Variants in SKIC3 observed in about 807,000 individuals in gnomAD.
SKIC3 encodes SKI3 subunit of superkiller complex, also known as superkiller complex protein 3.
chr5:95,483,807 C>A, the SKIC3 span, among the ~76,000 whole-genome samples: 1 of 152,086 alleles, frequency 6.6e-6, no homozygotes, highest in Non-Finnish European at 1.5e-5. Context: ...CAAGGTAATA[C>A]ACATTTATTC....
chr5:95,522,294 A>G, the SKIC3 span: 3 of 1,613,562 alleles, frequency 1.9e-6, no homozygotes, highest in Non-Finnish European at 2.5e-6. Flanking sequence ...TCTGCTCTTA[A>G]TGCTGCCTGT....
the SKIC3 span, chr5:95,513,422 G>T: frequency 2.4e-6 from 2 of 817,038 alleles, no homozygotes; most frequent in Non-Finnish European, 4.1e-6. Context: ...GTCCAGGCTG[G>T]CCTCAAGCAA....
the SKIC3 span, chr5:95,525,337 T>C: frequency 1.3e-6 from 2 of 1,500,446 alleles, no homozygotes; most frequent in Non-Finnish European, 1.9e-6. Context: ...CATTTTGAAT[T>C]TTTCAGAAAT....
At chr5:95,488,281 A>G in the SKIC3 span, among the ~76,000 whole-genome samples, 1 of 152,232 alleles carries the variant, frequency 6.6e-6, no homozygotes. Context: ...ATAGATGAAA[A>G]TATCCCAATT....
the SKIC3 span, among the ~76,000 whole-genome samples, chr5:95,527,178 A>G: frequency 6.6e-6 from 1 of 152,216 alleles, no homozygotes; most frequent in African/African-American, 2.4e-5. Flanking sequence ...GCTTTCTAGC[A>G]TGACAAGGTG....
At chr5:95,471,216 T>C in the SKIC3 span, among the ~76,000 whole-genome samples, 1 of 152,194 alleles carries the variant, frequency 6.6e-6, no homozygotes, top group African/African-American at 2.4e-5. Context: ...ATACAATTAT[T>C]CTTAACATCT....
chr5:95,482,960 A>G, the SKIC3 span, among the ~76,000 whole-genome samples: 1 of 152,146 alleles, frequency 6.6e-6, no homozygotes, highest in Non-Finnish European at 1.5e-5. Context: ...TATAAATATA[A>G]AATTAAGTGG....
chr5:95,544,078 T>G, the SKIC3 span, among the ~76,000 whole-genome samples: 4 of 152,204 alleles, frequency 2.6e-5, no homozygotes, highest in African/African-American at 9.7e-5. Flanking sequence ...ATTATTAGAC[T>G]TGAGTGTTTC....
chr5:95,482,347 T>C, the SKIC3 span: 2 of 1,037,594 alleles, frequency 1.9e-6, no homozygotes, highest in Non-Finnish European at 3.0e-6. Flanking sequence ...CTTTTAGATC[T>C]TGAAACTGAG....
chr5:95,545,532 C>A, the SKIC3 span, among the ~76,000 whole-genome samples: 1 of 152,164 alleles, frequency 6.6e-6, no homozygotes, highest in African/African-American at 2.4e-5. Flanking sequence ...TTTAACCACA[C>A]CAAGTTCTGC....
the SKIC3 span, chr5:95,528,911 G>A: frequency 3.6e-6 from 4 of 1,116,712 alleles, no homozygotes; most frequent in Non-Finnish European, 5.3e-6. Flanking sequence ...TAGCATTTTG[G>A]TTTTTAAAAA....
chr5:95,478,232 C>G, the SKIC3 span: 39 of 1,592,070 alleles, frequency 2.4e-5, no homozygotes, highest in Non-Finnish European at 3.3e-5. Context: ...AAAGCCTTCA[C>G]GTCAAAGAAA....
the SKIC3 span, chr5:95,494,949 C>G: frequency 1.1e-5 from 17 of 1,613,156 alleles, no homozygotes; most frequent in Non-Finnish European, 1.4e-5. Context: ...TTCCTTTGTA[C>G]TAGGACAAAC....
At chr5:95,532,780 T>A in the SKIC3 span, among the ~76,000 whole-genome samples, 1 of 152,252 alleles carries the variant, frequency 6.6e-6, no homozygotes, top group Admixed American at 6.5e-5. Flanking sequence ...TTGGGGCTGA[T>A]GAATGCTCAA....
chr5:95,491,115 A>G, the SKIC3 span: 1 of 1,542,894 alleles, frequency 6.5e-7, no homozygotes, highest in South Asian at 1.2e-5. Flanking sequence ...TGAGATTAAG[A>G]GTTTACAAGT....
At chr5:95,533,972 G>T in the SKIC3 span, among the ~76,000 whole-genome samples, 1 of 152,250 alleles carries the variant, frequency 6.6e-6, no homozygotes, top group South Asian at 2.1e-4. Context: ...TTTGGCATGT[G>T]AGCAAGGCCA....
chr5:95,524,371 C>T, the SKIC3 span: 1 of 1,534,168 alleles, frequency 6.5e-7, no homozygotes, highest in African/African-American at 1.4e-5. Flanking sequence ...AAAAACAGTT[C>T]AGTAAAGAGT....
At chr5:95,517,350 C>G in the SKIC3 span, 4 of 1,603,162 alleles carry the variant, frequency 2.5e-6, no homozygotes, top group Non-Finnish European at 3.4e-6. Context: ...GTGATTCTTA[C>G]AAATTATTTA....
the SKIC3 span, among the ~76,000 whole-genome samples, chr5:95,487,025 C>T: frequency 6.6e-6 from 1 of 152,160 alleles, no homozygotes; most frequent in South Asian, 2.1e-4. Flanking sequence ...ACATGTGAGT[C>T]AGTGGGCTGA....
Sources: allele counts gnomAD v4.1 joint callset (sites outside exome capture counted in the v4.1 genomes callset), GRCh38; gene constraint gnomAD v4.1.1; transcripts MANE v1.5; gene names NCBI Gene and HGNC (gene_info 2026-07-23, HGNC 2026-07-21).